Variants in DSG1 observed in about 807,000 individuals in gnomAD.
DSG1 encodes the protein desmoglein-1.
DSG1 carries 39 observed loss-of-function variants against 97.5 expected under a neutral mutation model. The ratio of observed to expected loss-of-function variants is 0.40; its 90% CI spans 0.31 to 0.52. DSG1 has a LOEUF of 0.52. Ranked by LOEUF, DSG1 falls within the 20% of genes least tolerant of loss-of-function variation. The probability of loss-of-function intolerance (pLI) is 0.53; values close to 1 mark genes in which losing one functional copy is unlikely to be tolerated. For missense variants in DSG1, 1,311 were observed against 1,295.4 expected (o/e 1.01, Z -0.18); for synonymous variants, 475 against 443.4 (o/e 1.07, Z -0.90).
chr18:31,346,148 T>C lies in DSG1; in HGVS notation c.2050T>C (p.Cys684Arg), dbSNP rs771294328. 2.5e-6 allele frequency: 4 copies of C among 1,613,900 alleles called. No homozygotes were observed. Among genetic ancestry groups the C allele is most frequent in the South Asian group, 2.2e-5 (2 of 91,074 alleles). ...GTLRRNSMRE[C>R]REGGLNMNFM... ...ATTAAGAAGAAATTCTATGAGGGAA[T>C]GTAGAGAAGGAGGTCTGAATATGAA... The change falls in exon 14 of 15, where the codon TGT becomes CGT. Residue 684 changes from cysteine to arginine, a missense_variant. This residue lies in a region of DSG1 where 1,038 missense variants were observed against 964.6 expected (regional missense o/e 1.08). Coordinates refer to ENST00000257192, the MANE Select transcript of DSG1 (RefSeq NM_001942.4).
Position 31,355,464 on chromosome 18 carries a change from G to A in DSG1, c.*118G>A. On this transcript the variant is annotated 3_prime_UTR_variant, in exon 15 of 15. Coordinates refer to ENST00000257192, the MANE Select transcript of DSG1 (RefSeq NM_001942.4). ...TCGTGCTCAGGTCATCTAGGAGCAA[G>A]GTGAGAAATCACAATGAGAAAAATA... 9.9e-7 allele frequency: 1 copy of A among 1,007,248 alleles called. No homozygotes were observed. Among genetic ancestry groups the A allele is most frequent in the Admixed American group, 2.0e-5 (1 of 49,922 alleles). The allele number at this position is 1,007,248 out of a possible 1,614,324, so 62.4% of individuals were successfully genotyped here. A position where few individuals can be genotyped will look rare whatever the true frequency, so the allele number is the denominator to read the frequency against.
At chr18:31,352,722 A>T (rs1319588811) in intron 14 of DSG1, among the ~76,000 whole-genome samples, 1 of 149,000 alleles carries the variant, frequency 6.7e-6, no homozygotes, top group Non-Finnish European at 1.5e-5. Context: ...CATTCATTTC[A>T]TCTTCCATTG....
intron 9 of DSG1, 127 bp from the exon 10 acceptor site, chr18:31,338,188 G>T: frequency 2.0e-6 from 2 of 983,696 alleles, no homozygotes; most frequent in Non-Finnish European, 3.0e-6. Flanking sequence ...AAAAAATAAA[G>T]TCTCTAGTAA....
chr18:31,340,098 C>A (rs1175506324), intron 11 of DSG1, 73 bp downstream of exon 11: 13 of 1,435,954 alleles, frequency 9.1e-6, no homozygotes, highest in Non-Finnish European at 1.3e-5. Flanking sequence ...TTTTCTGATT[C>A]TTTGATAAAA....
rs2071962566 is a variant in DSG1 at position 31,356,767 on chromosome 18, G to T, written c.*1421G>T. On this transcript the variant is annotated 3_prime_UTR_variant, in exon 15 of 15. Transcript: ENST00000257192. ...GCTTATATATGCTGATTTATAGGTA[G>T]TGTCCAAATTATATAGTATAACATA... is the stretch of plus-strand genomic sequence containing the variant. The T allele has an allele frequency of 6.6e-6, 1 of 152,030 alleles. No homozygotes were observed. Among genetic ancestry groups the T allele is most frequent in the South Asian group, 2.1e-4 (1 of 4,828 alleles). 9.4% of individuals were successfully genotyped at this position (152,030 alleles called of 1,614,324 possible).
intron 9 of DSG1, 139 bp from the exon 10 acceptor site, chr18:31,338,175 GA>G (rs563629239): frequency 1.7e-4 from 158 of 908,300 alleles, no homozygotes; most frequent in African/African-American, 1.7e-3. Context: ...AGACTGCCCT[GA>G]AAAAAAATAA....
intron 11 of DSG1, among the ~76,000 whole-genome samples, chr18:31,341,335 G>A (rs1264622924): frequency 1.3e-5 from 2 of 152,178 alleles, no homozygotes; most frequent in Non-Finnish European, 2.9e-5. Context: ...GAGCGCTTAT[G>A]TATAAAATAT....
chr18:31,351,563 G>C lies in DSG1; in HGVS notation c.2101-2734G>C, dbSNP rs200454208. ...CTCGTTGATCTGTCTAATGTTGACAGTGGGGTGTTAAAGTCTCCCATTATT... is the reference window on the plus strand; with the variant it reads ...CTCGTTGATCTGTCTAATGTTGACACTGGGGTGTTAAAGTCTCCCATTATT... On this transcript the variant is annotated intron_variant, in intron 14 of 14. Transcript: ENST00000257192. 7.8e-3 allele frequency among the ~76,000 whole-genome samples: 1,182 copies of C among 151,648 alleles called. 36 individuals are homozygous for C. The South Asian group carries it at 0.085, about 11-fold the overall frequency.
rs997013885 is a variant in DSG1 at position 31,330,145 on chromosome 18, G to T, written c.517+109G>T. The T allele has an allele frequency of 3.7e-6, 5 of 1,362,856 alleles. No homozygotes were observed. In the African/African-American group the frequency reaches 7.2e-5, roughly 20 times the overall value. 84.4% of individuals were successfully genotyped at this position (1,362,856 alleles called of 1,614,324 possible). On this transcript the variant is annotated intron_variant, in intron 5 of 14. Transcript: ENST00000257192. Reference sequence around the variant, plus strand: ...AATGTAAGAGATAAACTATAGAAAAGATGCAGAATAGCAAGTCTTTCCTTT... The same window carrying T: ...AATGTAAGAGATAAACTATAGAAAATATGCAGAATAGCAAGTCTTTCCTTT...
At position 31,355,167 on chromosome 18, in the gene DSG1, C is replaced by T; in HGVS notation, c.2971C>T (p.Leu991=). Residue 991 remains leucine, a synonymous_variant, in exon 15 of 15, where the codon CTG becomes TTG. Transcript: ENST00000257192. ...GTSMGAGSGA[L]SGAGISGGGI... The stretch of plus-strand genomic sequence containing the variant: ...CAGCATGGGTGCTGGGAGCGGTGCC[C>T]TGAGTGGAGCTGGCATAAGTGGTGG... 6.2e-7 allele frequency: 1 copy of T among 1,605,528 alleles called. No individual in the cohort carries two copies.
intron 5 of DSG1, among the ~76,000 whole-genome samples, chr18:31,331,407 C>T (rs1283949946): frequency 6.6e-6 from 1 of 151,966 alleles, no homozygotes; most frequent in Non-Finnish European, 1.5e-5. Context: ...CCACAGCATC[C>T]TTTAAAAAAG....
chr18:31,334,858 GA>G (rs954009062), intron 8 of DSG1, among the ~76,000 whole-genome samples: 7 of 151,882 alleles, frequency 4.6e-5, no homozygotes, highest in Admixed American at 1.3e-4. Flanking sequence ...TGAGATGTGA[GA>G]AAAAAAATTT....
Position 31,356,134 on chromosome 18 carries a change from C to G in DSG1, c.*788C>G, listed in dbSNP as rs891047012. 2.0e-5 allele frequency: 3 copies of G among 152,118 alleles called. No homozygotes were observed. Among genetic ancestry groups the G allele is most frequent in the African/African-American group, 7.2e-5 (3 of 41,418 alleles). 9.4% of individuals were successfully genotyped at this position (152,118 alleles called of 1,614,324 possible). On this transcript the variant is annotated 3_prime_UTR_variant, in exon 15 of 15. Transcript: ENST00000257192. ...TGGTGAGGTTGAGGAATATCACACTCGTCTTTCCCTTTACCACTGTGGTTT... is the reference window on the plus strand; with the variant it reads ...TGGTGAGGTTGAGGAATATCACACTGGTCTTTCCCTTTACCACTGTGGTTT...
chr18:31,357,159 G>C lies in DSG1; in HGVS notation c.*1813G>C, dbSNP rs2071966322. 6.6e-6 allele frequency: 1 copy of C among 151,974 alleles called. No homozygotes were observed. Among genetic ancestry groups the C allele is most frequent in the African/African-American group, 2.4e-5 (1 of 41,398 alleles). 9.4% of individuals were successfully genotyped at this position (151,974 alleles called of 1,614,324 possible). Reference sequence around the variant, plus strand: ...GGATAGGAGTGAATTACTGAACCTAGAGCTATTTTGCTCTGTAACAACAGA... The same window carrying C: ...GGATAGGAGTGAATTACTGAACCTACAGCTATTTTGCTCTGTAACAACAGA... On this transcript the variant is annotated 3_prime_UTR_variant, in exon 15 of 15. Transcript: ENST00000257192.
chr18:31,347,973 T>C (rs1376221244), intron 14 of DSG1, among the ~76,000 whole-genome samples: 1 of 152,224 alleles, frequency 6.6e-6, no homozygotes, highest in Non-Finnish European at 1.5e-5. Flanking sequence ...ATGTGATTTT[T>C]TTTTATTATT....
chr18:31,338,281 G>T, intron 9 of DSG1, 34 bp from the exon 10 acceptor site: 1 of 1,606,524 alleles, frequency 6.2e-7, no homozygotes, highest in Non-Finnish European at 8.5e-7. Flanking sequence ...TTAGATAGCT[G>T]ACATTAATTT....
chr18:31,351,520 T>C (rs1195078901), intron 14 of DSG1, among the ~76,000 whole-genome samples: 2 of 151,554 alleles, frequency 1.3e-5, no homozygotes, highest in Non-Finnish European at 2.9e-5. Flanking sequence ...TTCCTGGGTA[T>C]CCTTGTTGAC....
intron 14 of DSG1, among the ~76,000 whole-genome samples, chr18:31,347,066 C>A (rs1470710012): frequency 6.6e-6 from 1 of 152,236 alleles, no homozygotes; most frequent in South Asian, 2.1e-4. Context: ...AAGTTCCTGT[C>A]CCTGACATCG....
chr18:31,319,564 A>G (rs1242871936), intron 1 of DSG1, among the ~76,000 whole-genome samples: 9 of 151,996 alleles, frequency 5.9e-5, no homozygotes, highest in African/African-American at 2.2e-4. Flanking sequence ...ATTACTTAGG[A>G]TTTGGTAGGG....
Sources: allele counts gnomAD v4.1 joint callset (sites outside exome capture counted in the v4.1 genomes callset), GRCh38; gene constraint gnomAD v4.1.1; regional missense constraint gnomAD v4.1.1; transcripts MANE v1.5; gene names NCBI Gene and HGNC (gene_info 2026-07-23, HGNC 2026-07-21).